AGXT2: variants seen among roughly 807,000 people sequenced by gnomAD.
AGXT2 encodes alanine--glyoxylate aminotransferase 2, mitochondrial.
A neutral mutation model predicts 62.5 loss-of-function variants in AGXT2; 61 were observed. The observed-to-expected ratio is 0.98, with a 90% CI of 0.79 to 1.21. The LOEUF is 1.21. Among genes scored for constraint, AGXT2 ranks in the 50% most tolerant of loss-of-function variants. The probability of loss-of-function intolerance (pLI) is 0.00; values close to 1 mark genes in which losing one functional copy is unlikely to be tolerated. For missense variants in AGXT2, 666 were observed against 641.5 expected (o/e 1.04, Z -0.41); for synonymous variants, 243 against 218.7 (o/e 1.11, Z -0.98).
At chr5:35,003,573 T>G (rs1234500971) in intron 13 of AGXT2, among the ~76,000 whole-genome samples, 190 bp downstream of exon 13, 1 of 136,078 alleles carries the variant, frequency 7.3e-6, no homozygotes, top group African/African-American at 2.6e-5. Flanking sequence ...CTGCACTGTC[T>G]CCGCCTTTTT....
At chr5:35,015,557 G>C (rs1766819378) in intron 9 of AGXT2, among the ~76,000 whole-genome samples, 1 of 152,104 alleles carries the variant, frequency 6.6e-6, no homozygotes, top group African/African-American at 2.4e-5. Flanking sequence ...ACTTAAAAGA[G>C]TGAGCTTCCA....
intron 9 of AGXT2, among the ~76,000 whole-genome samples, chr5:35,022,171 C>A (rs1767127000): frequency 6.6e-6 from 1 of 152,148 alleles, no homozygotes; most frequent in South Asian, 2.1e-4. Flanking sequence ...TGTGGTGATT[C>A]CTCAGGGATC....
rs754058275 is a variant in AGXT2 at position 35,032,810 on chromosome 5, C to T, written c.691G>A (p.Val231Ile). The T allele has an allele frequency of 1.7e-5, 27 of 1,604,654 alleles. No homozygotes were observed. Among genetic ancestry groups the T allele is most frequent in the Non-Finnish European group, 2.2e-5 (26 of 1,175,164 alleles). Residue 231 changes from valine to isoleucine, a missense_variant, in exon 7 of 14, where the codon GTT becomes ATT. Val to Ile is a conservative substitution (Grantham distance 29). Transcript: ENST00000231420. ...CTTCCTCCCCAAGGGCCACGAAAAA[C>T]ATCTGGACACATTGTCTGCAAATGA... is the stretch of plus-strand genomic sequence containing the variant. ...TGCQPTMCPD[V>I]FRGPWGGSHC...
intron 10 of AGXT2, among the ~76,000 whole-genome samples, chr5:35,013,362 G>A (rs754952540): frequency 3.9e-5 from 6 of 152,156 alleles, no homozygotes; most frequent in Non-Finnish European, 7.4e-5. Context: ...AGAGACACCA[G>A]AGCCCTCTCC....
chr5:35,013,143 G>A, intron 10 of AGXT2, 98 bp from the exon 11 acceptor site: 4 of 1,056,844 alleles, frequency 3.8e-6, no homozygotes, highest in Non-Finnish European at 5.7e-6. Flanking sequence ...TGTTGTAAAT[G>A]GCATCCAATC....
At chr5:35,025,711 T>TCC (rs1767309572) in intron 9 of AGXT2, 52 bp downstream of exon 9, 1 of 1,566,470 alleles carries the variant, frequency 6.4e-7, no homozygotes, top group African/African-American at 1.4e-5. Flanking sequence ...GGTTTCTGTC[T>TCC]GTGCATCTCC....
intron 8 of AGXT2, 128 bp from the exon 9 acceptor site, chr5:35,025,983 A>T: frequency 2.5e-6 from 2 of 806,932 alleles, no homozygotes; most frequent in South Asian, 2.9e-5. Flanking sequence ...AACAGTCTGT[A>T]GAACAGTTTC....
At position 35,036,185 on chromosome 5, in the gene AGXT2, G is replaced by C. The variant is rs16870782; in HGVS notation, c.486+757C>G. ...TCCAGACTCAGGGACTGGAAGGCATGTGTTCATGACTCTGCTGACTCTCTG... is the reference window on the plus strand; with the variant it reads ...TCCAGACTCAGGGACTGGAAGGCATCTGTTCATGACTCTGCTGACTCTCTG... On this transcript the variant is annotated intron_variant, in intron 4 of 13. Coordinates refer to ENST00000231420, the MANE Select transcript of AGXT2 (RefSeq NM_031900.4). Among the ~76,000 whole-genome samples the C allele has an allele frequency of 5.6e-3, 860 of 152,304 alleles. 27 individuals are homozygous for C. In the East Asian group the frequency reaches 0.079, roughly 14 times the overall value.
chr5:35,019,750 C>CA (rs1241975423), intron 9 of AGXT2, among the ~76,000 whole-genome samples: 1 of 151,930 alleles, frequency 6.6e-6, no homozygotes, highest in African/African-American at 2.4e-5. Flanking sequence ...AATAGAGACA[C>CA]AAAAAACCCT....
At chr5:35,003,122 T>A (rs1766294640) in intron 13 of AGXT2, among the ~76,000 whole-genome samples, 1 of 152,168 alleles carries the variant, frequency 6.6e-6, no homozygotes, top group African/African-American at 2.4e-5. Flanking sequence ...GGGTCCTGAC[T>A]GTGGAGCTGG....
intron 3 of AGXT2, among the ~76,000 whole-genome samples, chr5:35,037,588 C>A (rs896425091): frequency 3.5e-5 from 5 of 142,634 alleles, no homozygotes; most frequent in Admixed American, 7.1e-5. Context: ...GTTGCCTAGG[C>A]TGGAGGGCAG....
chr5:35,027,890 C>A (rs1219644645), intron 7 of AGXT2, among the ~76,000 whole-genome samples: 1 of 150,498 alleles, frequency 6.6e-6, no homozygotes, highest in Non-Finnish European at 1.5e-5. Context: ...CCCAGTCCCT[C>A]CACTTCCATT....
Position 34,998,300 on chromosome 5 carries a change from T to C in AGXT2, c.*419A>G. 4.1e-6 allele frequency: 1 copy of C among 245,082 alleles called. No individual in the cohort carries two copies. Among genetic ancestry groups the C allele is most frequent in the South Asian group, 5.9e-5 (1 of 17,050 alleles). 15.2% of individuals were successfully genotyped at this position (245,082 alleles called of 1,614,324 possible). A position where few individuals can be genotyped will look rare whatever the true frequency, so the allele number is the denominator to read the frequency against. On this transcript the variant is annotated 3_prime_UTR_variant, in exon 14 of 14. Transcript: ENST00000231420. ...GGAATCTCGTCATGAACATATGGTG[T>C]TCTCAGCGCAACAAGAAGACATCTC...
intron 9 of AGXT2, 58 bp from the exon 10 acceptor site, chr5:35,014,177 G>C (rs1766757649): frequency 6.2e-7 from 1 of 1,609,914 alleles, no homozygotes; most frequent in East Asian, 2.2e-5. Context: ...TTTTCGACAG[G>C]GCGCGGTGGC....
In AGXT2 at chr5:35,026,465, G is replaced by T; in HGVS notation, c.815C>A (p.Thr272Lys). The change falls in exon 8 of 14, where the codon ACG (threonine) becomes AAG (lysine). Residue 272 changes from threonine to lysine, a missense_variant. Physicochemically the swap from Thr to Lys is moderately conservative, Grantham distance 78 (BLOSUM62 -1). Transcript: ENST00000231420. ...TGACTTGGCCACAGATGTGCTCAGC[G>T]TATCTTTGAATTGCTCAATATACTG... Reference protein sequence around the residue: ...KDQYIEQFKDTLSTSVAKSIA... With the variant: ...KDQYIEQFKDKLSTSVAKSIA... 2 of 1,613,810 alleles carry T rather than the reference G, an allele frequency of 1.2e-6. No individual in the cohort carries two copies. Among genetic ancestry groups the T allele is most frequent in the Non-Finnish European group, 1.7e-6 (2 of 1,179,828 alleles).
chr5:35,047,869 C>A lies in AGXT2; in HGVS notation c.24G>T (p.Leu8Phe). The change falls in exon 1 of 14, where the codon TTG becomes TTT. Residue 8 changes from leucine to phenylalanine, a missense_variant. Transcript: ENST00000231420. MTLIWRH[L>F]LRPLCLVTSA... Reference sequence around the variant, plus strand: ...AAGTGACCAGGCACAAGGGTCTCAGCAAATGTCTCCAGATTAGAGTCATTT... The same window carrying A: ...AAGTGACCAGGCACAAGGGTCTCAGAAAATGTCTCCAGATTAGAGTCATTT... The A allele has an allele frequency of 6.2e-7, 1 of 1,614,082 alleles. No homozygotes were observed. The highest frequency in any genetic ancestry group is 8.5e-7 in the Non-Finnish European group (1 of 1,179,992).
At chr5:35,047,659 G>A (rs1768297307) in intron 1 of AGXT2, 146 bp downstream of exon 1, 3 of 1,018,588 alleles carry the variant, frequency 2.9e-6, no homozygotes, top group Admixed American at 2.8e-5. Flanking sequence ...GACTCAGGGT[G>A]AGAACCTGTG....
At chr5:35,037,543 CCTT>C (rs1282818815) in intron 3 of AGXT2, among the ~76,000 whole-genome samples, 1 of 149,812 alleles carries the variant, frequency 6.7e-6, no homozygotes, top group Admixed American at 6.7e-5. Context: ...TTCCTCCCCT[CCTT>C]CTTTCTTTCT....
intron 7 of AGXT2, 149 bp downstream of exon 7, chr5:35,032,583 T>A: frequency 1.4e-6 from 1 of 732,520 alleles, no homozygotes; most frequent in Admixed American, 2.0e-5. Context: ...CAATGAGGAA[T>A]AACTTGGTTA....
Sources: gnomAD v4.1 joint callset for allele counts (sites outside exome capture counted in the v4.1 genomes callset) on GRCh38, gnomAD v4.1.1 for gene constraint, MANE v1.5 for transcripts, NCBI Gene and HGNC (gene_info 2026-07-23, HGNC 2026-07-21) for gene names.